The following CNKSR2 variants were observed in gnomAD, a reference collection of about 807,000 sequenced individuals.
The protein encoded by CNKSR2 is connector enhancer of kinase suppressor of Ras 2.
CNKSR2 carries 14 observed loss-of-function variants against 84.4 expected under a neutral mutation model. That is an observed-to-expected ratio of 0.17 (90% CI 0.11 to 0.26). CNKSR2 has a LOEUF of 0.26. Among genes scored for constraint, CNKSR2 ranks in the 10% least tolerant of loss-of-function variants. The pLI, the probability that CNKSR2 is intolerant of heterozygous loss-of-function variation, is 1.00. For synonymous variants in CNKSR2, 275 were observed against 277.9 expected (o/e 0.99, Z 0.10); for missense variants, 485 against 771.2 (o/e 0.63, Z 4.40).
At chrX:21,539,542 C>G (rs1326911496) in intron 11 of CNKSR2, among the ~76,000 whole-genome samples, 1 of 110,910 alleles carries the variant, frequency 9.0e-6, no homozygotes, top group Non-Finnish European at 1.9e-5. Context: ...AGTTGTGTTC[C>G]TTTGGAAGTG....
chrX:21,511,883 T>A (rs2091675484), intron 8 of CNKSR2, among the ~76,000 whole-genome samples: 1 of 111,044 alleles, frequency 9.0e-6, no homozygotes, highest in Non-Finnish European at 1.9e-5. Context: ...CCTCCACATC[T>A]TCTTCACCTG....
intron 1 of CNKSR2, among the ~76,000 whole-genome samples, chrX:21,410,898 TTGTG>T (rs907489297): frequency 4.9e-5 from 5 of 102,664 alleles, no homozygotes; most frequent in Non-Finnish European, 1.0e-4. Flanking sequence ...GTGTGTGTGT[TTGTG>T]TGTGTGTGTG....
intron 1 of CNKSR2, among the ~76,000 whole-genome samples, chrX:21,385,379 C>T (rs1252327390): frequency 8.9e-6 from 1 of 111,968 alleles, no homozygotes; most frequent in East Asian, 2.8e-4. Flanking sequence ...ATAGTAAGCA[C>T]ATATAAATGT....
intron 20 of CNKSR2, among the ~76,000 whole-genome samples, chrX:21,628,157 G>C (rs756585213): frequency 5.4e-5 from 6 of 111,964 alleles, no homozygotes; most frequent in Non-Finnish European, 9.4e-5. Context: ...GCTCCAAAAT[G>C]ATCTCCTTTG....
intron 11 of CNKSR2, among the ~76,000 whole-genome samples, chrX:21,542,303 C>A (rs760507906): frequency 8.9e-6 from 1 of 112,167 alleles, no homozygotes; most frequent in Non-Finnish European, 1.9e-5. Flanking sequence ...TCTAATTATT[C>A]CAGTGTGACC....
intron 4 of CNKSR2, among the ~76,000 whole-genome samples, chrX:21,461,297 C>T (rs972077649): frequency 8.9e-6 from 1 of 112,159 alleles, no homozygotes; most frequent in Non-Finnish European, 1.9e-5. Flanking sequence ...TGTTGAATAC[C>T]TTTGCATATG....
chrX:21,614,089 G>A (rs1386132873), intron 20 of CNKSR2, among the ~76,000 whole-genome samples: 1 of 111,551 alleles, frequency 9.0e-6, no homozygotes, highest in Non-Finnish European at 1.9e-5. Context: ...ATGCCACTCA[G>A]TAGCCTAAAA....
intron 5 of CNKSR2, among the ~76,000 whole-genome samples, chrX:21,482,012 T>TGCAG (rs1222876854): frequency 8.9e-6 from 1 of 112,096 alleles, no homozygotes; most frequent in African/African-American, 3.2e-5. Context: ...CCTGGACTCC[T>TGCAG]GAGCCATGGA....
chrX:21,588,005 C>G (rs2092399030), intron 13 of CNKSR2, among the ~76,000 whole-genome samples: 1 of 111,729 alleles, frequency 9.0e-6, no homozygotes, highest in Non-Finnish European at 1.9e-5. Flanking sequence ...TGTGCTCTCT[C>G]CCTCCCATGA....
intron 20 of CNKSR2, 41 bp from the exon 21 acceptor site, chrX:21,648,790 C>CTTTGTTTTTT: frequency 1.5e-6 from 1 of 660,775 alleles, no homozygotes; most frequent in Non-Finnish European, 2.0e-6. Context: ...CTCTCTCTCT[C>CTTTGTTTTTT]TTTCTTTTTT....
chrX:21,420,283 C>T (rs1268267133), intron 1 of CNKSR2, among the ~76,000 whole-genome samples: 1 of 112,424 alleles, frequency 8.9e-6, no homozygotes, highest in African/African-American at 3.2e-5. Context: ...TGGGCCTCAC[C>T]CTTCAAGGAC....
chrX:21,476,973 A>T (rs576920170), intron 5 of CNKSR2, among the ~76,000 whole-genome samples: 1 of 111,430 alleles, frequency 9.0e-6, no homozygotes, highest in Non-Finnish European at 1.9e-5. Flanking sequence ...TCAGTTCTAT[A>T]CTCTACTTAC....
chrX:21,550,304 C>T (rs2092074239), intron 11 of CNKSR2, among the ~76,000 whole-genome samples: 2 of 111,943 alleles, frequency 1.8e-5, no homozygotes, highest in South Asian at 3.7e-4. Context: ...GGCCGACAAA[C>T]ATATGAAAAA....
At chrX:21,424,877 A>G (rs749973034) in intron 1 of CNKSR2, 6 of 111,750 alleles carry the variant, frequency 5.4e-5, no homozygotes, top group Admixed American at 1.9e-4. Context: ...AATAGTATCA[A>G]TTTACATGTT....
intron 10 of CNKSR2, 97 bp downstream of exon 10, chrX:21,527,097 A>G: frequency 1.3e-6 from 1 of 762,903 alleles, no homozygotes; most frequent in Non-Finnish European, 1.9e-6. Context: ...CACCTTGAAT[A>G]TTTTCTCACA....
intron 11 of CNKSR2, among the ~76,000 whole-genome samples, chrX:21,535,574 T>C (rs752272136): frequency 5.4e-5 from 6 of 111,198 alleles, no homozygotes; most frequent in Non-Finnish European, 1.1e-4. Flanking sequence ...TAGTTTTCAT[T>C]GTAGAGATCT....
At chrX:21,620,868 C>G (rs929593858) in intron 20 of CNKSR2, among the ~76,000 whole-genome samples, 1 of 110,880 alleles carries the variant, frequency 9.0e-6, no homozygotes, top group Non-Finnish European at 1.9e-5. Flanking sequence ...GTTTAGTGGG[C>G]TCCTCATTAC....
intron 2 of CNKSR2, among the ~76,000 whole-genome samples, chrX:21,430,046 T>G (rs936507544): frequency 7.1e-5 from 8 of 112,010 alleles, no homozygotes; most frequent in African/African-American, 2.6e-4. Flanking sequence ...TAAAACATGT[T>G]TTTAGATTAT....
intron 18 of CNKSR2, among the ~76,000 whole-genome samples, chrX:21,604,470 A>AAT (rs111623424): frequency 0.03 from 3,354 of 111,349 alleles, 131 homozygotes; most frequent in African/African-American, 0.1. Flanking sequence ...TATAATAAAA[A>AAT]ATATATATAT....
Sources: gnomAD v4.1 joint callset for allele counts (sites outside exome capture counted in the v4.1 genomes callset) on GRCh38, gnomAD v4.1.1 for gene constraint, MANE v1.5 for transcripts, NCBI Gene and HGNC (gene_info 2026-07-23, HGNC 2026-07-21) for gene names.